Variants in SLC44A5 observed in about 807,000 individuals in gnomAD.
The protein encoded by SLC44A5 is choline transporter-like protein 5.
SLC44A5 carries 57 observed loss-of-function variants against 101.8 expected under a neutral mutation model. That is an observed-to-expected ratio of 0.56 (90% CI 0.45 to 0.70). The LOEUF is 0.70. Ranked by LOEUF, SLC44A5 falls within the 30% of genes least tolerant of loss-of-function variation. SLC44A5 has a pLI of 0.00. For missense variants in SLC44A5, 737 were observed against 853.1 expected, an observed-to-expected ratio of 0.86 and a Z score of 1.70; for synonymous variants, 281 against 290.9, an observed-to-expected ratio of 0.97 and a Z score of 0.35.
intron 23 of SLC44A5, chr1:75,204,355 A>AT (rs1262585918): frequency 1.3e-5 from 2 of 152,134 alleles, no homozygotes; most frequent in Admixed American, 1.3e-4. Flanking sequence ...AACAATGCTC[A>AT]TTTTTATTCT....
intron 3 of SLC44A5, among the ~76,000 whole-genome samples, chr1:75,367,406 G>C (rs1659930578): frequency 6.6e-6 from 1 of 152,176 alleles, no homozygotes; most frequent in Non-Finnish European, 1.5e-5. Context: ...TCGAGACAAG[G>C]ATCATATGCT....
At chr1:75,508,818 A>G (rs1233020255) in intron 2 of SLC44A5, among the ~76,000 whole-genome samples, 1 of 152,242 alleles carries the variant, frequency 6.6e-6, no homozygotes, top group Non-Finnish European at 1.5e-5. Flanking sequence ...AAATATTCTT[A>G]GTATATTAAT....
At chr1:75,469,733 C>T (rs56336598) in intron 2 of SLC44A5, among the ~76,000 whole-genome samples, 1 of 151,762 alleles carries the variant, frequency 6.6e-6, no homozygotes, top group East Asian at 1.9e-4. Context: ...AAGACGCTGT[C>T]TGAACGATAA....
chr1:75,465,448 A>C (rs1666762906), intron 2 of SLC44A5, among the ~76,000 whole-genome samples: 1 of 152,124 alleles, frequency 6.6e-6, no homozygotes, highest in African/African-American at 2.4e-5. Flanking sequence ...AAAAACTTCA[A>C]ACAACCTAAC....
At chr1:75,420,576 AAC>A (rs1663942954) in intron 2 of SLC44A5, among the ~76,000 whole-genome samples, 3 of 152,276 alleles carry the variant, frequency 2.0e-5, no homozygotes, top group African/African-American at 7.2e-5. Context: ...TGTTCATAGA[AAC>A]ACAAATTCTG....
chr1:75,639,873 T>G, the SLC44A5 span, among the ~76,000 whole-genome samples: 2 of 152,020 alleles, frequency 1.3e-5, no homozygotes, highest in Admixed American at 6.6e-5. Context: ...GTAGTCAGAT[T>G]TGGCTGGCCT....
chr1:75,674,581 T>C, the SLC44A5 span, among the ~76,000 whole-genome samples: 6 of 149,192 alleles, frequency 4.0e-5, no homozygotes, highest in Non-Finnish European at 8.9e-5. Context: ...GGTTTCATCA[T>C]GTTGGTGAGA....
intron 19 of SLC44A5, 83 bp from the exon 20 acceptor site, chr1:75,214,761 C>T (rs1239770810): frequency 2.8e-6 from 3 of 1,076,042 alleles, no homozygotes; most frequent in Admixed American, 2.0e-5. Context: ...AGGAAGGTAA[C>T]CAAATTAATT....
At chr1:75,570,962 A>AC (rs1372027020) in intron 1 of SLC44A5, among the ~76,000 whole-genome samples, 1 of 152,174 alleles carries the variant, frequency 6.6e-6, no homozygotes, top group Non-Finnish European at 1.5e-5. Context: ...CATCTCCCGT[A>AC]CCCAGAGCCC....
rs116221643 is a variant in SLC44A5, at chr1:75,438,582, A to G, written c.14-41961T>C. ...GCAAACAATTGCTGACCTCATCACA[A>G]CTAACTAAGACTAAGCTTTAGGCAG... On this transcript the variant is annotated intron_variant, in intron 2 of 23. Transcript: ENST00000370859. Among the ~76,000 whole-genome samples, 220 of 152,220 alleles carry G rather than the reference A, an allele frequency of 1.4e-3. 1 individual carries two copies. Among genetic ancestry groups the G allele is most frequent in the Non-Finnish European group, 2.2e-3 (150 of 67,994 alleles).
chr1:75,667,568 G>GA, the SLC44A5 span, among the ~76,000 whole-genome samples: 1 of 152,018 alleles, frequency 6.6e-6, no homozygotes, highest in East Asian at 1.9e-4. Context: ...CACAGAATTG[G>GA]AAAAAAATAC....
At chr1:75,706,007 T>G in the SLC44A5 span, among the ~76,000 whole-genome samples, 4 of 152,196 alleles carry the variant, frequency 2.6e-5, no homozygotes, top group Non-Finnish European at 4.4e-5. Flanking sequence ...TTAATTCCAT[T>G]ACTTATTTTC....
At chr1:75,395,707 T>G (rs981044421) in intron 3 of SLC44A5, among the ~76,000 whole-genome samples, 5 of 152,160 alleles carry the variant, frequency 3.3e-5, no homozygotes, top group African/African-American at 1.2e-4. Context: ...CAATGTGATG[T>G]TTTGCTCTAT....
chr1:75,677,852 G>A, the SLC44A5 span: 11 of 369,458 alleles, frequency 3.0e-5, no homozygotes, highest in Middle Eastern at 5.4e-4. Flanking sequence ...CTGAGGTACC[G>A]GGTTCATCTC....
chr1:75,644,813 C>T, the SLC44A5 span, among the ~76,000 whole-genome samples: 1 of 149,844 alleles, frequency 6.7e-6, no homozygotes, highest in Admixed American at 6.7e-5. Context: ...CAACAGGCCC[C>T]AGTGTGTGAT....
the SLC44A5 span, among the ~76,000 whole-genome samples, chr1:75,628,534 G>A: frequency 6.6e-6 from 1 of 152,088 alleles, no homozygotes; most frequent in Non-Finnish European, 1.5e-5. Context: ...ATGGCAATAA[G>A]AGAGTTTAAG....
chr1:75,238,903 T>C (rs146260383), intron 9 of SLC44A5, among the ~76,000 whole-genome samples: 3 of 152,196 alleles, frequency 2.0e-5, no homozygotes, highest in Non-Finnish European at 4.4e-5. Context: ...ATAAATAAAA[T>C]GTACATCACA....
rs530559621 is a variant in SLC44A5, at chr1:75,441,101, G to A, written c.14-44480C>T. The stretch of plus-strand genomic sequence containing the variant: ...GGAATCCTTGAATTGTTAAAGAGGA[G>A]GAATAAGATTTTAAATTATTTTAAA... On this transcript the variant is annotated intron_variant, in intron 2 of 23. Coordinates refer to ENST00000370859, the MANE Select transcript of SLC44A5 (RefSeq NM_001130058.2). Among the ~76,000 whole-genome samples, 53 of 152,040 alleles carry A rather than the reference G, an allele frequency of 3.5e-4. 2 individuals carry two copies. In the South Asian group the frequency reaches 8.7e-3, roughly 25 times the overall value.
chr1:75,322,397 T>TTA lies in SLC44A5; in HGVS notation c.101+17184_101+17185insTA, dbSNP rs1553161125. Reference sequence around the variant, plus strand: ...ATCCTTATTATTTGCTCCCTCTTTTTAAAAAAAAAAAATCTCATTTCATCT... The same window carrying TTA: ...ATCCTTATTATTTGCTCCCTCTTTTTTAAAAAAAAAAAAATCTCATTTCATCT... On this transcript the variant is annotated intron_variant, in intron 4 of 23. Coordinates refer to ENST00000370859, the MANE Select transcript of SLC44A5 (RefSeq NM_001130058.2). Among the ~76,000 whole-genome samples, 693 of 149,842 alleles carry TTA rather than the reference T, an allele frequency of 4.6e-3. 11 individuals carry two copies. The South Asian group carries it at 0.047, about 10-fold the overall frequency.
Sources: allele counts gnomAD v4.1 joint callset (sites outside exome capture counted in the v4.1 genomes callset), GRCh38; gene constraint gnomAD v4.1.1; transcripts MANE v1.5; gene names NCBI Gene and HGNC (gene_info 2026-07-23, HGNC 2026-07-21).